Variants in NRXN3 observed in about 807,000 individuals in gnomAD.
NRXN3 encodes the protein neurexin III.
NRXN3 carries 32 observed loss-of-function variants against 137.6 expected under a neutral mutation model. The ratio of observed to expected loss-of-function variants is 0.23; its 90% CI spans 0.18 to 0.31. NRXN3 has a LOEUF of 0.31. Among genes scored for constraint, NRXN3 ranks in the 10% least tolerant of loss-of-function variants. NRXN3 has a pLI of 1.00. For missense variants in NRXN3, 1,574 were observed against 2,062.5 expected (o/e 0.76, Z 4.59); for synonymous variants, 798 against 784.5 (o/e 1.02, Z -0.29).
intron 8 of NRXN3, among the ~76,000 whole-genome samples, chr14:78,783,709 C>T (rs540789561): frequency 6.6e-6 from 1 of 152,018 alleles, no homozygotes; most frequent in Non-Finnish European, 1.5e-5. Flanking sequence ...GCAGAAAATA[C>T]ATTTGTCCTT....
intron 16 of NRXN3, among the ~76,000 whole-genome samples, chr14:79,521,715 C>T (rs2097066790): frequency 6.6e-6 from 1 of 152,094 alleles, no homozygotes; most frequent in African/African-American, 2.4e-5. Context: ...TCTGTATTGT[C>T]AGGGTTTATT....
chr14:78,800,573 A>G (rs2098835716), intron 8 of NRXN3, among the ~76,000 whole-genome samples: 1 of 152,198 alleles, frequency 6.6e-6, no homozygotes, highest in Non-Finnish European at 1.5e-5. Context: ...TAATCGCTTT[A>G]TAGTTTGCAA....
At chr14:79,705,965 T>C (rs2098776835) in intron 19 of NRXN3, among the ~76,000 whole-genome samples, 2 of 151,992 alleles carry the variant, frequency 1.3e-5, no homozygotes, top group Non-Finnish European at 2.9e-5. Flanking sequence ...ACGCAGTCAA[T>C]GTTGGTTGAA....
intron 4 of NRXN3, among the ~76,000 whole-genome samples, chr14:78,575,323 G>T (rs2096926528): frequency 6.6e-6 from 1 of 152,210 alleles, no homozygotes; most frequent in South Asian, 2.1e-4. Context: ...GGAGGGGAAA[G>T]TGAGTGTAGT....
chr14:78,457,990 C>T (rs1374183410), intron 4 of NRXN3, among the ~76,000 whole-genome samples: 10 of 152,130 alleles, frequency 6.6e-5, no homozygotes, highest in African/African-American at 2.4e-4. Flanking sequence ...ATTCTCTGAC[C>T]TTATCTAGGG....
At chr14:78,945,834 G>C (rs183698865) in intron 10 of NRXN3, among the ~76,000 whole-genome samples, 24 of 152,296 alleles carry the variant, frequency 1.6e-4, no homozygotes, top group Middle Eastern at 6.8e-3. Context: ...GACCCTGCCT[G>C]AAGAGGCAGC....
intron 4 of NRXN3, among the ~76,000 whole-genome samples, chr14:78,554,033 G>T (rs2096716765): frequency 6.6e-6 from 1 of 152,132 alleles, no homozygotes; most frequent in Admixed American, 6.5e-5. Flanking sequence ...GCACTCTGAT[G>T]GGAACAGATG....
intron 4 of NRXN3, among the ~76,000 whole-genome samples, chr14:78,366,116 G>T (rs1342337883): frequency 6.6e-6 from 1 of 152,142 alleles, no homozygotes; most frequent in Admixed American, 6.5e-5. Context: ...ATCACATAAG[G>T]ATGTTTTGAG....
intron 14 of NRXN3, among the ~76,000 whole-genome samples, chr14:78,987,615 G>T (rs567405470): frequency 6.6e-6 from 1 of 151,222 alleles, no homozygotes; most frequent in Admixed American, 6.6e-5. Flanking sequence ...TTGGTTTCAG[G>T]ATTAAAAAAA....
chr14:79,241,598 A>T (rs1020148322), intron 15 of NRXN3, among the ~76,000 whole-genome samples: 5 of 152,144 alleles, frequency 3.3e-5, no homozygotes, highest in African/African-American at 1.2e-4. Context: ...CACCCTTCAC[A>T]TGTGGGTATT....
chr14:78,602,260 C>T (rs1176685950), intron 4 of NRXN3, among the ~76,000 whole-genome samples: 3 of 118,248 alleles, frequency 2.5e-5, no homozygotes, highest in Admixed American at 8.0e-5. Context: ...TTGCATTTCA[C>T]ATTAGCCTTT....
chr14:78,871,044 G>A lies in NRXN3; in HGVS notation c.2275+60700G>A, dbSNP rs997300209. On this transcript the variant is annotated intron_variant, in intron 10 of 20. Transcript: ENST00000335750. ...AACATGGGAGTGCAGATATCTCTTT[G>A]ATATACTGATTTCCTTTCTTTTGGA... 8.8e-5 allele frequency among the ~76,000 whole-genome samples: 13 copies of A among 148,422 alleles called. No individual in the cohort carries two copies. In the East Asian group the frequency reaches 1.8e-3, roughly 20 times the overall value.
intron 15 of NRXN3, among the ~76,000 whole-genome samples, chr14:79,399,045 A>G (rs35861800): frequency 0.34 from 49,981 of 146,516 alleles, 8,838 homozygotes; most frequent in Admixed American, 0.39. Flanking sequence ...AAAAAAAAAA[A>G]GCTGGGAGTT....
At chr14:78,189,827 C>T (rs1555395882) in intron 1 of NRXN3, among the ~76,000 whole-genome samples, 2 of 152,138 alleles carry the variant, frequency 1.3e-5, no homozygotes, top group Non-Finnish European at 1.5e-5. Context: ...TTCAGGTGAT[C>T]CATCCTGGCC....
At chr14:79,613,349 T>C (rs749387610) in intron 16 of NRXN3, among the ~76,000 whole-genome samples, 8 of 152,252 alleles carry the variant, frequency 5.3e-5, no homozygotes, top group Non-Finnish European at 7.3e-5. Flanking sequence ...TTAATTGGTA[T>C]GTGTGTAAGA....
chr14:78,986,070 C>G (rs1380855766), intron 14 of NRXN3, among the ~76,000 whole-genome samples: 2 of 152,174 alleles, frequency 1.3e-5, no homozygotes, highest in Admixed American at 1.3e-4. Context: ...AATGCCTTGC[C>G]ACCCAGAAGA....
At chr14:78,629,579 C>A (rs2097500800) in intron 4 of NRXN3, among the ~76,000 whole-genome samples, 1 of 152,212 alleles carries the variant, frequency 6.6e-6, no homozygotes, top group Non-Finnish European at 1.5e-5. Flanking sequence ...TCCATGTAAT[C>A]CTTGAGAGAA....
chr14:78,242,945 G>T lies in NRXN3; in HGVS notation c.-149G>T. The T allele has an allele frequency of 1.6e-6, 1 of 606,722 alleles. No individual in the cohort carries two copies. The highest frequency in any genetic ancestry group is 2.9e-6 in the Non-Finnish European group (1 of 346,790). 37.6% of individuals were successfully genotyped at this position (606,722 alleles called of 1,614,324 possible). A position where few individuals can be genotyped will look rare whatever the true frequency, so the allele number is the denominator to read the frequency against. ...ACTTTCCTCCATCTCCACTATCTCA[G>T]GATCTGTGTGTGTGCTGCCTTCCTC... is the stretch of plus-strand genomic sequence containing the variant. On this transcript the variant is annotated 5_prime_UTR_variant, in exon 2 of 21. In the 5' UTR this introduces an upstream ATG that the reference lacks. Coordinates refer to ENST00000335750, the MANE Select transcript of NRXN3 (RefSeq NM_001330195.2).
At chr14:78,650,035 C>A (rs910403478) in intron 5 of NRXN3, among the ~76,000 whole-genome samples, 30 of 151,744 alleles carry the variant, frequency 2.0e-4, no homozygotes, top group African/African-American at 7.0e-4. Context: ...TTTCCCCACT[C>A]TTCATTCTCC....
Sources: allele counts gnomAD v4.1 joint callset (sites outside exome capture counted in the v4.1 genomes callset), GRCh38; gene constraint gnomAD v4.1.1; transcripts MANE v1.5; gene names NCBI Gene and HGNC (gene_info 2026-07-23, HGNC 2026-07-21).